The following XIRP2 variants were observed in gnomAD, a reference collection of about 807,000 sequenced individuals.
The protein encoded by XIRP2 is xin actin-binding repeat-containing protein 2.
A neutral mutation model predicts 277.0 loss-of-function variants in XIRP2; 236 were observed. The observed-to-expected ratio is 0.85, with a 90% CI of 0.77 to 0.95. XIRP2 has a LOEUF of 0.95. Ranked by LOEUF, XIRP2 falls within the 40% of genes least tolerant of loss-of-function variation. The pLI, the probability that XIRP2 is intolerant of heterozygous loss-of-function variation, is 0.00. For synonymous variants in XIRP2, 1,490 were observed against 1,416.5 expected (o/e 1.05, Z -1.17); for missense variants, 4,640 against 4,157.5 (o/e 1.12, Z -3.19).
rs1559039562 is a variant in XIRP2, at chr2:167,245,224, AT to A, written c.3837del (p.Phe1279LeufsTer6). 1 of 1,613,744 alleles carries A rather than the reference AT, an allele frequency of 6.2e-7. No homozygotes were observed. ...QGGDVRKGCF[I>X]FETFSLDEIK... The stretch of plus-strand genomic sequence containing the variant: ...TGGGGATGTAAGAAAGGGGTGCTTT[AT>A]TTTTGAGACTTTTTCTTTAGATGAG... On this transcript the variant is annotated frameshift_variant, in exon 9 of 11. Transcript: ENST00000409195. LOFTEE classifies it high-confidence loss of function.
At chr2:167,098,328 T>G (rs562786422) in intron 2 of XIRP2, among the ~76,000 whole-genome samples, 21 of 152,338 alleles carry the variant, frequency 1.4e-4, no homozygotes, top group Admixed American at 9.8e-4. Flanking sequence ...TTTCCTCCAC[T>G]TGATCAATTC....
chr2:166,903,765 G>A lies in XIRP2; in HGVS notation c.283G>A (p.Val95Met), dbSNP rs772444441. Reference sequence around the variant, plus strand: ...CACCAGGGAATATGGTCGGCCAGAAGTGCTGAAGGAGGATTCCCTGAGCAG... The same window carrying A: ...CACCAGGGAATATGGTCGGCCAGAAATGCTGAAGGAGGATTCCCTGAGCAG... ...NNTREYGRPE[V>M]LKEDSLSSRR... Residue 95 changes from valine to methionine, a missense_variant, in exon 2 of 11, where the codon GTG (valine) becomes ATG (methionine). Transcript: ENST00000409195. 13 of 1,613,586 alleles carry A rather than the reference G, an allele frequency of 8.1e-6. 1 individual carries two copies. The Admixed American group carries it at 1.8e-4, about 23-fold the overall frequency.
intron 2 of XIRP2, among the ~76,000 whole-genome samples, chr2:166,956,192 G>A (rs574179758): frequency 7.9e-5 from 12 of 151,918 alleles, no homozygotes; most frequent in South Asian, 2.1e-4. Context: ...ACAAGCGTGC[G>A]TCGATCAATC....
At chr2:167,185,425 C>A (rs1693127320) in intron 3 of XIRP2, among the ~76,000 whole-genome samples, 1 of 151,780 alleles carries the variant, frequency 6.6e-6, no homozygotes, top group Admixed American at 6.6e-5. Flanking sequence ...GTATTTTTAT[C>A]AAATACACTT....
chr2:167,236,864 G>A (rs1406521073), intron 5 of XIRP2, among the ~76,000 whole-genome samples: 4 of 152,060 alleles, frequency 2.6e-5, no homozygotes, highest in African/African-American at 9.7e-5. Flanking sequence ...TGAGCATTAC[G>A]ATGATCCAGC....
Position 167,097,612 on chromosome 2 carries a change from A to C in XIRP2, c.409-38297A>C, listed in dbSNP as rs1359019420. On this transcript the variant is annotated intron_variant, in intron 2 of 10. Transcript: ENST00000409195. ...CCTGTCATTATGATGCTAGCTGGTT[A>C]TTTTGCCCATTAGTTGATGCAGTTT... Among the ~76,000 whole-genome samples, 8 of 152,086 alleles carry C rather than the reference A, an allele frequency of 5.3e-5. No homozygotes were observed. The East Asian group carries it at 1.5e-3, about 29-fold the overall frequency.
At chr2:166,910,621 G>C (rs946951933) in intron 2 of XIRP2, among the ~76,000 whole-genome samples, 5 of 152,026 alleles carry the variant, frequency 3.3e-5, no homozygotes, top group Admixed American at 2.6e-4. Context: ...CTTCAGTTCT[G>C]CTCTGATCCT....
chr2:166,912,711 G>GCT (rs1434895532), intron 2 of XIRP2, among the ~76,000 whole-genome samples: 6 of 152,018 alleles, frequency 3.9e-5, no homozygotes, highest in African/African-American at 1.2e-4. Flanking sequence ...CAGCTTTTCT[G>GCT]CTGTTTTTTC....
chr2:166,910,702 G>T (rs536958220), intron 2 of XIRP2, among the ~76,000 whole-genome samples: 1 of 152,236 alleles, frequency 6.6e-6, no homozygotes, highest in South Asian at 2.1e-4. Flanking sequence ...CAATTGTGAT[G>T]TTAGGGTGTC....
At position 167,249,051 on chromosome 2, in the gene XIRP2, A is replaced by C. The variant is rs1227576465; in HGVS notation, c.7659A>C (p.Gln2553His). The change falls in exon 9 of 11, where the codon CAA (glutamine) becomes CAC (histidine). Residue 2553 changes from glutamine to histidine, a missense_variant. By Grantham distance (24) the Gln-to-His change is conservative (BLOSUM62 0). Coordinates refer to ENST00000409195, the MANE Select transcript of XIRP2 (RefSeq NM_152381.6). ...PLMIAEEKYR[Q>H]QKEEIEKQKQ... Reference sequence around the variant, plus strand: ...TGATTGCTGAAGAAAAATATAGACAACAAAAAGAAGAAATTGAAAAACAGA... The same window carrying C: ...TGATTGCTGAAGAAAAATATAGACACCAAAAAGAAGAAATTGAAAAACAGA... 6.2e-7 allele frequency: 1 copy of C among 1,611,550 alleles called. No individual in the cohort carries two copies. The highest frequency in any genetic ancestry group is 2.2e-5 in the East Asian group (1 of 44,852).
intron 2 of XIRP2, among the ~76,000 whole-genome samples, chr2:167,076,183 G>A (rs1406660563): frequency 6.6e-6 from 1 of 152,116 alleles, no homozygotes; most frequent in Non-Finnish European, 1.5e-5. Flanking sequence ...TTTCTAAAAT[G>A]TAAATGATCT....
At chr2:166,979,993 T>C (rs2105432113) in intron 2 of XIRP2, among the ~76,000 whole-genome samples, 1 of 152,304 alleles carries the variant, frequency 6.6e-6, no homozygotes. Flanking sequence ...ATTTTCCTTG[T>C]AGTAATGTGC....
intron 3 of XIRP2, among the ~76,000 whole-genome samples, chr2:167,142,571 TAAAA>T (rs879622825): frequency 4.7e-5 from 7 of 149,096 alleles, no homozygotes; most frequent in East Asian, 2.0e-4. Context: ...AATAAAAAAA[TAAAA>T]AAAAAGAGAG....
At chr2:167,194,840 CTTTATA>C (rs766946242) in intron 3 of XIRP2, among the ~76,000 whole-genome samples, 6 of 152,072 alleles carry the variant, frequency 3.9e-5, no homozygotes, top group Non-Finnish European at 8.8e-5. Flanking sequence ...ATGAATTTAT[CTTTATA>C]AAGTTCTAAA....
At chr2:166,979,412 A>G (rs561831245) in intron 2 of XIRP2, among the ~76,000 whole-genome samples, 1 of 128,194 alleles carries the variant, frequency 7.8e-6, no homozygotes, top group Non-Finnish European at 1.6e-5. Flanking sequence ...GGCCTCAAGT[A>G]TAATTGTTAC....
chr2:167,050,392 T>A (rs942599945), intron 2 of XIRP2, among the ~76,000 whole-genome samples: 1 of 152,090 alleles, frequency 6.6e-6, no homozygotes, highest in Non-Finnish European at 1.5e-5. Context: ...CACTCAAGGA[T>A]TTTAAGTGAT....
chr2:167,249,223 A>G lies in XIRP2; in HGVS notation c.7831A>G (p.Ser2611Gly). The change falls in exon 9 of 11, where the codon AGC (serine) becomes GGC (glycine). Residue 2611 changes from serine to glycine, a missense_variant. Ser to Gly is a moderately conservative substitution (Grantham distance 56). Transcript: ENST00000409195. The part of the protein sequence containing the change: ...IDSECTVVQP[S>G]PGSQSNARIL... ...TTCAGAATGCACTGTGGTTCAACCC[A>G]GCCCAGGCTCTCAAAGTAATGCTCG... 6.2e-7 allele frequency: 1 copy of G among 1,613,750 alleles called. No individual in the cohort carries two copies. The highest frequency in any genetic ancestry group is 2.2e-5 in the East Asian group (1 of 44,844).
chr2:167,226,503 G>A (rs572615640), intron 5 of XIRP2, among the ~76,000 whole-genome samples: 1 of 152,270 alleles, frequency 6.6e-6, no homozygotes, highest in East Asian at 1.9e-4. Context: ...GAACTGCCTA[G>A]ACCAACTGTG....
intron 3 of XIRP2, among the ~76,000 whole-genome samples, chr2:167,138,075 A>T (rs1403853879): frequency 6.6e-6 from 1 of 152,040 alleles, no homozygotes; most frequent in Non-Finnish European, 1.5e-5. Flanking sequence ...AGATAAACAC[A>T]TGTTTCTAAA....
Sources: gnomAD v4.1 joint callset for allele counts (sites outside exome capture counted in the v4.1 genomes callset) on GRCh38, gnomAD v4.1.1 for gene constraint, MANE v1.5 for transcripts, NCBI Gene and HGNC (gene_info 2026-07-23, HGNC 2026-07-21) for gene names.